The following LIMCH1 variants were observed in gnomAD, a reference collection of about 807,000 sequenced individuals.
The protein encoded by LIMCH1 is LIM and calponin homology domains 1.
A neutral mutation model predicts 176.5 loss-of-function variants in LIMCH1; 113 were observed. The ratio of observed to expected loss-of-function variants is 0.64; its 90% CI spans 0.55 to 0.75. The LOEUF (loss-of-function observed/expected upper bound fraction) is 0.75. Ranked by LOEUF, LIMCH1 falls within the 30% of genes least tolerant of loss-of-function variation. The pLI is 0.00. For synonymous variants in LIMCH1, 619 were observed against 645.9 expected, an observed-to-expected ratio of 0.96 and a Z score of 0.63; for missense variants, 1,674 against 1,814.9, an observed-to-expected ratio of 0.92 and a Z score of 1.41.
intron 1 of LIMCH1, among the ~76,000 whole-genome samples, chr4:41,540,653 C>T (rs1343610237): frequency 1.3e-5 from 2 of 152,042 alleles, no homozygotes; most frequent in Admixed American, 6.6e-5. Flanking sequence ...GCAGGAGAAT[C>T]GCTTGAACCC....
chr4:41,388,617 T>C (rs1351817666), intron 1 of LIMCH1, among the ~76,000 whole-genome samples: 2 of 152,074 alleles, frequency 1.3e-5, no homozygotes, highest in African/African-American at 4.8e-5. Flanking sequence ...TGGGTGAATT[T>C]TGCAGTATGC....
chr4:41,502,768 T>C, intron 2 of LIMCH1, among the ~76,000 whole-genome samples: 1 of 152,194 alleles, frequency 6.6e-6, no homozygotes, highest in East Asian at 1.9e-4. Context: ...AGATGAGGTT[T>C]TTTTGGTGGT....
intron 13 of LIMCH1, among the ~76,000 whole-genome samples, chr4:41,637,620 A>T (rs1388094028): frequency 6.6e-6 from 1 of 152,256 alleles, no homozygotes; most frequent in Non-Finnish European, 1.5e-5. Context: ...AATGAGTCTT[A>T]CTGCCAGAAG....
At chr4:41,613,360 T>A (rs2091692516) in intron 4 of LIMCH1, 106 bp from the exon 5 acceptor site, 8 of 944,462 alleles carry the variant, frequency 8.5e-6, no homozygotes. Flanking sequence ...ACCTTTCCAT[T>A]CTGATGTGAT....
intron 2 of LIMCH1, among the ~76,000 whole-genome samples, chr4:41,496,150 A>G (rs1025947012): frequency 6.6e-6 from 1 of 152,200 alleles, no homozygotes; most frequent in African/African-American, 2.4e-5. Context: ...ATTCATGCAG[A>G]CCATGTTGGT....
intron 1 of LIMCH1, among the ~76,000 whole-genome samples, chr4:41,470,251 T>A (rs925170439): frequency 6.6e-6 from 1 of 152,212 alleles, no homozygotes; most frequent in African/African-American, 2.4e-5. Flanking sequence ...AGAGAACTGC[T>A]CATTTCTCAC....
intron 1 of LIMCH1, among the ~76,000 whole-genome samples, chr4:41,547,311 A>G (rs2079581817): frequency 6.6e-6 from 1 of 152,008 alleles, no homozygotes; most frequent in African/African-American, 2.4e-5. Flanking sequence ...TTCTTCACCC[A>G]CCTGTTACCT....
intron 1 of LIMCH1, chr4:41,494,419 A>C: frequency 1.5e-6 from 1 of 652,702 alleles, no homozygotes. Flanking sequence ...ACATACATAT[A>C]TACACATACA....
At chr4:41,484,586 G>C (rs566991627) in intron 1 of LIMCH1, among the ~76,000 whole-genome samples, 1 of 152,370 alleles carries the variant, frequency 6.6e-6, no homozygotes, top group Non-Finnish European at 1.5e-5. Context: ...TAAATCAGAA[G>C]AGAGTAAGCA....
At chr4:41,642,737 CTTTT>C (rs368906535) in intron 14 of LIMCH1, among the ~76,000 whole-genome samples, 6 of 136,402 alleles carry the variant, frequency 4.4e-5, no homozygotes, top group African/African-American at 8.2e-5. Flanking sequence ...TTTCTTTTTT[CTTTT>C]TTTTTTTTTG....
At chr4:41,480,528 A>G (rs1344815597) in intron 1 of LIMCH1, among the ~76,000 whole-genome samples, 1 of 152,056 alleles carries the variant, frequency 6.6e-6, no homozygotes, top group Non-Finnish European at 1.5e-5. Flanking sequence ...AATCTCTTGA[A>G]CCTGGGAGGC....
chr4:41,614,148 A>C (rs560691275), intron 5 of LIMCH1, among the ~76,000 whole-genome samples: 4 of 152,320 alleles, frequency 2.6e-5, no homozygotes, highest in South Asian at 2.1e-4. Context: ...TTTTTTGGCA[A>C]TCTGTTTGAT....
intron 1 of LIMCH1, among the ~76,000 whole-genome samples, chr4:41,574,915 C>T (rs1308510335): frequency 6.6e-6 from 1 of 152,148 alleles, no homozygotes; most frequent in Non-Finnish European, 1.5e-5. Flanking sequence ...AGTTAGGAAC[C>T]ACTGAATTCA....
intron 1 of LIMCH1, among the ~76,000 whole-genome samples, chr4:41,584,324 T>A (rs956879285): frequency 1.3e-5 from 2 of 152,102 alleles, no homozygotes; most frequent in African/African-American, 4.8e-5. Context: ...GAAAGTTGGG[T>A]TTTAGATGAT....
intron 1 of LIMCH1, among the ~76,000 whole-genome samples, chr4:41,560,237 C>T (rs1216312130): frequency 1.3e-5 from 2 of 152,200 alleles, no homozygotes; most frequent in African/African-American, 4.8e-5. Flanking sequence ...AGTCCACACT[C>T]TCTCACACAC....
chr4:41,472,664 C>T (rs974489394), intron 1 of LIMCH1, among the ~76,000 whole-genome samples: 2 of 152,102 alleles, frequency 1.3e-5, no homozygotes, highest in Admixed American at 1.3e-4. Flanking sequence ...AGCGATCGCC[C>T]ACCTTGGCCT....
intron 1 of LIMCH1, among the ~76,000 whole-genome samples, chr4:41,374,959 G>T (rs1240958804): frequency 6.6e-6 from 1 of 152,144 alleles, no homozygotes. Flanking sequence ...GAGTTGATTA[G>T]CCTAAGCCAA....
intron 1 of LIMCH1, among the ~76,000 whole-genome samples, chr4:41,578,694 T>C (rs569462652): frequency 1.3e-5 from 2 of 152,050 alleles, no homozygotes; most frequent in African/African-American, 4.8e-5. Context: ...TCTTCTTTTC[T>C]TTTCTTCTTT....
rs1057297906 is a variant in LIMCH1 at position 41,631,275 on chromosome 4, A to G, written c.1399A>G (p.Lys467Glu). The change falls in exon 10 of 32, where the codon AAG becomes GAG. Residue 467 changes from lysine to glutamate, a missense_variant. This residue lies in a region of LIMCH1 where 655 missense variants were observed against 692.2 expected (regional missense o/e 0.95). Coordinates refer to ENST00000503057, the MANE Select transcript of LIMCH1 (RefSeq NM_001330672.2). ...ASKKASSPRQ[K>E]FVHFGPVTEL... ...TAAGAAAGCTTCCAGCCCCAGGCAAAAGTTTGTGCACTTTGGGCCAGTGAC... is the reference window on the plus strand; with the variant it reads ...TAAGAAAGCTTCCAGCCCCAGGCAAGAGTTTGTGCACTTTGGGCCAGTGAC... The G allele has an allele frequency of 2.9e-5, 44 of 1,535,982 alleles. No individual in the cohort carries two copies. Among genetic ancestry groups the G allele is most frequent in the Non-Finnish European group, 3.7e-5 (43 of 1,146,914 alleles).
Sources: allele counts gnomAD v4.1 joint callset (sites outside exome capture counted in the v4.1 genomes callset), GRCh38; gene constraint gnomAD v4.1.1; regional missense constraint gnomAD v4.1.1; transcripts MANE v1.5; gene names NCBI Gene and HGNC (gene_info 2026-07-23, HGNC 2026-07-21).